SMIM41: variants seen among roughly 807,000 people sequenced by gnomAD.
SMIM41 encodes small integral membrane protein 41.
intron 2 of SMIM41, 109 bp from the exon 3 acceptor site, chr12:52,107,270 G>T: frequency 2.4e-6 from 1 of 409,952 alleles, no homozygotes; most frequent in Non-Finnish European, 4.9e-6. Context: ...ACAATGCTGG[G>T]TGTTGGTTTA....
chr12:52,088,081 G>C (rs367608905), intron 2 of SMIM41, among the ~76,000 whole-genome samples: 1 of 152,184 alleles, frequency 6.6e-6, no homozygotes. Context: ...AGCAGCTACT[G>C]TCCCAGGCAC....
chr12:52,104,596 C>T (rs1419493886), intron 2 of SMIM41, among the ~76,000 whole-genome samples: 4 of 151,646 alleles, frequency 2.6e-5, no homozygotes, highest in Non-Finnish European at 4.4e-5. Flanking sequence ...CAGGAGAGTG[C>T]GGTGGGCAGA....
intron 2 of SMIM41, among the ~76,000 whole-genome samples, chr12:52,104,673 C>T (rs1227731268): frequency 3.2e-4 from 47 of 146,556 alleles, no homozygotes; most frequent in Admixed American, 3.1e-3. Context: ...TGGTTATGGT[C>T]GGGGGGGGGC....
chr12:52,099,533 G>A (rs1940172748), intron 2 of SMIM41, among the ~76,000 whole-genome samples: 1 of 151,886 alleles, frequency 6.6e-6, no homozygotes, highest in South Asian at 2.1e-4. Context: ...ACATCCGTGC[G>A]ATATTGAAAG....
intron 2 of SMIM41, 84 bp from the exon 3 acceptor site, chr12:52,107,295 C>CTTT (rs1940359946): frequency 4.6e-6 from 2 of 434,664 alleles, no homozygotes; most frequent in African/African-American, 2.0e-5. Flanking sequence ...TTTCTGATTT[C>CTTT]TCAACGCTCT....
intron 2 of SMIM41, among the ~76,000 whole-genome samples, chr12:52,090,283 G>A (rs899171782): frequency 1.3e-5 from 2 of 152,046 alleles, no homozygotes; most frequent in Non-Finnish European, 2.9e-5. Flanking sequence ...ATGTTGGGCA[G>A]GCTGAGTCAG....
intron 2 of SMIM41, 66 bp from the exon 3 acceptor site, chr12:52,107,313 G>A (rs149541835): frequency 9.4e-5 from 43 of 456,668 alleles, no homozygotes; most frequent in African/African-American, 8.4e-4. Flanking sequence ...TCTTTTCTAG[G>A]CAAAAGTTGT....
intron 2 of SMIM41, 199 bp from the exon 3 acceptor site, chr12:52,107,180 A>C (rs1940358076): frequency 2.8e-6 from 1 of 357,556 alleles, no homozygotes; most frequent in African/African-American, 2.1e-5. Flanking sequence ...TTTTGTCAGA[A>C]CTGCAAAATA....
intron 2 of SMIM41, among the ~76,000 whole-genome samples, chr12:52,099,077 T>C (rs1940164078): frequency 6.6e-6 from 1 of 151,630 alleles, no homozygotes; most frequent in Non-Finnish European, 1.5e-5. Context: ...TTGGGAGTAG[T>C]ATCCTCTCTC....
At position 52,105,143 on chromosome 12, in the gene SMIM41, C is replaced by T. The variant is rs145089181; in HGVS notation, c.*196-2236C>T. 0.013 allele frequency among the ~76,000 whole-genome samples: 1,916 copies of T among 152,322 alleles called. 135 individuals are homozygous for T. In the East Asian group the frequency reaches 0.23, roughly 18 times the overall value. ...CCTCTCAAATCCTTGTCACTCAGGC[C>T]GATGCCCCTGCTCACTGTGCCCTTC... is the stretch of plus-strand genomic sequence containing the variant. On this transcript the variant is annotated intron_variant, in intron 2 of 2. Coordinates refer to ENST00000546390, the MANE Select transcript of SMIM41 (RefSeq NM_001369216.1).
intron 2 of SMIM41, among the ~76,000 whole-genome samples, chr12:52,088,606 C>T (rs1939930226): frequency 6.6e-6 from 1 of 152,226 alleles, no homozygotes; most frequent in Non-Finnish European, 1.5e-5. Flanking sequence ...AAATATGGTC[C>T]CTTCTGCCTG....
intron 2 of SMIM41, among the ~76,000 whole-genome samples, chr12:52,084,276 A>G (rs915526541): frequency 1.3e-5 from 2 of 152,030 alleles, no homozygotes; most frequent in Non-Finnish European, 2.9e-5. Context: ...GCTTGAATCC[A>G]GGAGGCAGAG....
At chr12:52,086,616 A>C (rs937676339) in intron 2 of SMIM41, among the ~76,000 whole-genome samples, 6 of 152,122 alleles carry the variant, frequency 3.9e-5, no homozygotes, top group African/African-American at 1.4e-4. Context: ...CCGCACGCCC[A>C]CGCCCACGGC....
chr12:52,096,906 G>A (rs867283897), intron 2 of SMIM41, among the ~76,000 whole-genome samples: 1 of 151,936 alleles, frequency 6.6e-6, no homozygotes, highest in Non-Finnish European at 1.5e-5. Flanking sequence ...TGCAAATATC[G>A]CACTGGGTGT....
At chr12:52,086,784 C>T (rs975376378) in intron 2 of SMIM41, among the ~76,000 whole-genome samples, 8 of 152,214 alleles carry the variant, frequency 5.3e-5, no homozygotes, top group African/African-American at 1.4e-4. Context: ...TGCTTCCTCC[C>T]GGACCCTCAG....
Position 52,087,392 on chromosome 12 carries a change from C to T in SMIM41, c.*195+3424C>T, listed in dbSNP as rs530438742. Among the ~76,000 whole-genome samples, 7 of 152,328 alleles carry T rather than the reference C, an allele frequency of 4.6e-5. No individual in the cohort carries two copies. In the South Asian group the frequency reaches 1.0e-3, roughly 23 times the overall value. On this transcript the variant is annotated intron_variant, in intron 2 of 2. Coordinates refer to ENST00000546390, the MANE Select transcript of SMIM41 (RefSeq NM_001369216.1). Reference sequence around the variant, plus strand: ...AGCCAAACTTCTCCAAAGTTACCCACGCTTGCCGTCCCCACTTCCTTGCCT... The same window carrying T: ...AGCCAAACTTCTCCAAAGTTACCCATGCTTGCCGTCCCCACTTCCTTGCCT...
Position 52,107,750 on chromosome 12 carries a change from G to T in SMIM41, c.*567G>T. On this transcript the variant is annotated 3_prime_UTR_variant, in exon 3 of 3. Coordinates refer to ENST00000546390, the MANE Select transcript of SMIM41 (RefSeq NM_001369216.1). The stretch of plus-strand genomic sequence containing the variant: ...TATCATTCAGCCATCATGAACCTGT[G>T]TTTCTGTGGCTTCCTAGTTTTGCTG... 1 of 397,424 alleles carries T rather than the reference G, an allele frequency of 2.5e-6. No individual in the cohort carries two copies. The highest frequency in any genetic ancestry group is 6.4e-5 in the East Asian group (1 of 15,718). 24.6% of individuals were successfully genotyped at this position (397,424 alleles called of 1,614,324 possible). A position where few individuals can be genotyped will look rare whatever the true frequency, so the allele number is the denominator to read the frequency against.
intron 2 of SMIM41, among the ~76,000 whole-genome samples, chr12:52,097,380 G>A (rs1940118563): frequency 6.6e-6 from 1 of 151,138 alleles, no homozygotes; most frequent in South Asian, 2.1e-4. Context: ...CCACATTGCA[G>A]GGGGGTGGAC....
Position 52,081,725 on chromosome 12 carries a change from C to T in SMIM41, c.*120+1544C>T, listed in dbSNP as rs535245061. 5.8e-4 allele frequency among the ~76,000 whole-genome samples: 89 copies of T among 152,264 alleles called. 1 individual carries two copies. Among genetic ancestry groups the T allele is most frequent in the Admixed American group, 3.3e-3 (51 of 15,300 alleles). ...TTGCCTGTCACCCTCTGGCCCCATA[C>T]TCTCCTCTCCTTTCCCAGCTGGGAG... On this transcript the variant is annotated intron_variant, in intron 1 of 2. Transcript: ENST00000546390. The surrounding 1 kb of genome is among the most constrained non-coding windows in gnomAD (Gnocchi z 4.1).
Sources: gnomAD v4.1 joint callset for allele counts (sites outside exome capture counted in the v4.1 genomes callset) on GRCh38, gnomAD v4.1.1 for gene constraint, Gnocchi (gnomAD v3.1) non-coding constraint, MANE v1.5 for transcripts, NCBI Gene and HGNC (gene_info 2026-07-23, HGNC 2026-07-21) for gene names.